UNC5D: variants seen among roughly 807,000 people sequenced by gnomAD.
The protein encoded by UNC5D is unc-5 netrin receptor D.
UNC5D carries 39 observed loss-of-function variants against 105.4 expected under a neutral mutation model. The ratio of observed to expected loss-of-function variants is 0.37; its 90% CI spans 0.29 to 0.48. The LOEUF is 0.48. Ranked by LOEUF, UNC5D falls within the 20% of genes least tolerant of loss-of-function variation. The pLI, the probability that UNC5D is intolerant of heterozygous loss-of-function variation, is 0.98. For synonymous variants in UNC5D, 452 were observed against 450.4 expected, an observed-to-expected ratio of 1.00 and a Z score of -0.04; for missense variants, 991 against 1,202.4, an observed-to-expected ratio of 0.82 and a Z score of 2.60.
intron 1 of UNC5D, among the ~76,000 whole-genome samples, chr8:35,548,982 A>C (rs937620731): frequency 5.3e-5 from 8 of 152,150 alleles, no homozygotes; most frequent in East Asian, 1.9e-4. Context: ...AGAGCCTCTC[A>C]CCTCACAGAT....
intron 1 of UNC5D, among the ~76,000 whole-genome samples, chr8:35,313,925 G>A (rs540277876): frequency 2.0e-5 from 3 of 152,262 alleles, no homozygotes; most frequent in East Asian, 3.9e-4. Flanking sequence ...AAGATGAATC[G>A]ATGTGTTGAA....
At chr8:35,738,152 T>C (rs1235846883) in intron 11 of UNC5D, among the ~76,000 whole-genome samples, 3 of 152,046 alleles carry the variant, frequency 2.0e-5, no homozygotes, top group Admixed American at 6.6e-5. Context: ...CATAGCATGG[T>C]AGAGTGGAGA....
intron 1 of UNC5D, among the ~76,000 whole-genome samples, chr8:35,539,113 A>G (rs1163837097): frequency 6.6e-6 from 1 of 152,160 alleles, no homozygotes; most frequent in Admixed American, 6.6e-5. Flanking sequence ...TAATACCATG[A>G]AAAAATGAGA....
chr8:35,438,392 C>T (rs78493152), intron 1 of UNC5D, among the ~76,000 whole-genome samples: 2,153 of 152,024 alleles, frequency 0.014, 62 homozygotes, highest in African/African-American at 0.049. Flanking sequence ...CAGTGGTGCA[C>T]AGGATTAGGA....
At chr8:35,696,206 A>T (rs1826763015) in intron 7 of UNC5D, among the ~76,000 whole-genome samples, 1 of 151,546 alleles carries the variant, frequency 6.6e-6, no homozygotes, top group Admixed American at 6.6e-5. Context: ...GATTTGTTGC[A>T]TGCCTGATAC....
At chr8:35,516,874 C>T (rs1394841589) in intron 1 of UNC5D, among the ~76,000 whole-genome samples, 2 of 152,138 alleles carry the variant, frequency 1.3e-5, no homozygotes, top group Admixed American at 6.5e-5. Flanking sequence ...TACTTGAAAA[C>T]ACAGAGCCTT....
chr8:35,383,605 C>T (rs1036933959), intron 1 of UNC5D, among the ~76,000 whole-genome samples: 12 of 152,260 alleles, frequency 7.9e-5, no homozygotes, highest in African/African-American at 1.4e-4. Context: ...ACATAGTGGC[C>T]GAGTGAGTGT....
At chr8:35,312,274 G>A (rs1808950374) in intron 1 of UNC5D, among the ~76,000 whole-genome samples, 1 of 152,170 alleles carries the variant, frequency 6.6e-6, no homozygotes, top group Admixed American at 6.5e-5. Context: ...TGTCAAATAT[G>A]TAATTGTGCT....
intron 1 of UNC5D, among the ~76,000 whole-genome samples, chr8:35,265,295 T>A (rs544585490): frequency 4.6e-5 from 7 of 152,136 alleles, no homozygotes; most frequent in Non-Finnish European, 8.8e-5. Context: ...TCTTTTTTTT[T>A]CCCCATAAAG....
chr8:35,485,378 T>G (rs2130030336), intron 1 of UNC5D, among the ~76,000 whole-genome samples: 1 of 152,314 alleles, frequency 6.6e-6, no homozygotes, highest in East Asian at 1.9e-4. Flanking sequence ...TTAAATGTAT[T>G]CATATTTTCA....
At chr8:35,446,769 C>G (rs1344157006) in intron 1 of UNC5D, among the ~76,000 whole-genome samples, 1 of 152,044 alleles carries the variant, frequency 6.6e-6, no homozygotes, top group Admixed American at 6.6e-5. Context: ...GTTTGTTGCC[C>G]ATACCCACAC....
chr8:35,616,574 C>T (rs1274030178), intron 4 of UNC5D, among the ~76,000 whole-genome samples: 1 of 152,142 alleles, frequency 6.6e-6, no homozygotes, highest in Non-Finnish European at 1.5e-5. Flanking sequence ...GGCAGGGTTG[C>T]TTAGTGCTGG....
chr8:35,737,228 G>C, intron 11 of UNC5D, among the ~76,000 whole-genome samples: 1 of 151,114 alleles, frequency 6.6e-6, no homozygotes, highest in Non-Finnish European at 1.5e-5. Flanking sequence ...GATAGACTTG[G>C]GGAGAAACTT....
At chr8:35,427,313 A>G (rs916439150) in intron 1 of UNC5D, among the ~76,000 whole-genome samples, 1 of 152,188 alleles carries the variant, frequency 6.6e-6, no homozygotes, top group Non-Finnish European at 1.5e-5. Flanking sequence ...GTAGACACAC[A>G]TGTGCATAGA....
chr8:35,565,485 T>C (rs1332014776), intron 2 of UNC5D, among the ~76,000 whole-genome samples: 1 of 152,184 alleles, frequency 6.6e-6, no homozygotes, highest in Non-Finnish European at 1.5e-5. Flanking sequence ...GGATATTATT[T>C]CTTTGTGAGA....
chr8:35,706,045 T>C (rs910558361), intron 8 of UNC5D, 84 bp downstream of exon 8: 6 of 909,910 alleles, frequency 6.6e-6, no homozygotes, highest in Admixed American at 2.9e-5. Context: ...CTGAGCAGAA[T>C]TGAAGTTCCT....
intron 1 of UNC5D, among the ~76,000 whole-genome samples, chr8:35,446,527 T>A (rs1807806041): frequency 6.6e-6 from 1 of 152,114 alleles, no homozygotes; most frequent in African/African-American, 2.4e-5. Context: ...AATTAACTAA[T>A]TCATTCCTTG....
At chr8:35,672,229 T>C (rs1454050034) in intron 4 of UNC5D, among the ~76,000 whole-genome samples, 1 of 152,186 alleles carries the variant, frequency 6.6e-6, no homozygotes, top group African/African-American at 2.4e-5. Flanking sequence ...TGAAGATATA[T>C]TACATGGTAA....
intron 1 of UNC5D, among the ~76,000 whole-genome samples, chr8:35,313,842 A>G (rs1446211186): frequency 6.6e-6 from 1 of 152,204 alleles, no homozygotes; most frequent in Non-Finnish European, 1.5e-5. Context: ...TTACCTAATA[A>G]GCTTAGAGCA....
Sources: gnomAD v4.1 joint callset for allele counts (sites outside exome capture counted in the v4.1 genomes callset) on GRCh38, gnomAD v4.1.1 for gene constraint, MANE v1.5 for transcripts, NCBI Gene and HGNC (gene_info 2026-07-23, HGNC 2026-07-21) for gene names.